KAT6B: variants seen among roughly 807,000 people sequenced by gnomAD.
KAT6B encodes the protein lysine acetyltransferase 6B.
KAT6B carries 10 observed loss-of-function variants against 187.5 expected under a neutral mutation model. That is an observed-to-expected ratio of 0.05 (90% confidence interval 0.03 to 0.09). KAT6B has a LOEUF of 0.09. KAT6B is among the 10% of genes least tolerant of loss of function. The pLI, the probability that KAT6B is intolerant of heterozygous loss-of-function variation, is 1.00. For missense variants in KAT6B, 1,952 were observed against 2,558.9 expected (o/e 0.76, Z 5.12); for synonymous variants, 861 against 926.8 (o/e 0.93, Z 1.29).
chr10:74,860,936 G>A (rs1039670701), intron 3 of KAT6B, among the ~76,000 whole-genome samples: 2 of 152,184 alleles, frequency 1.3e-5, no homozygotes, highest in Admixed American at 6.5e-5. Context: ...TCAGGAGTTC[G>A]AGACCAGCCT....
At chr10:74,993,671 C>A (rs532590906) in intron 13 of KAT6B, among the ~76,000 whole-genome samples, 29 of 152,236 alleles carry the variant, frequency 1.9e-4, no homozygotes, top group African/African-American at 6.3e-4. Context: ...GTCCCTGGGG[C>A]CTCCTTTAAT....
chr10:75,026,006 A>G (rs934336512), intron 17 of KAT6B: 1 of 152,154 alleles, frequency 6.6e-6, no homozygotes, highest in Non-Finnish European at 1.5e-5. Context: ...CAAAAGATAC[A>G]AAAATTAGTC....
intron 13 of KAT6B, chr10:75,003,239 AC>A (rs771176096): frequency 4.6e-5 from 7 of 152,342 alleles, no homozygotes; most frequent in Admixed American, 1.3e-4. Flanking sequence ...GGTTGAAGAG[AC>A]ACTTAAATCT....
At chr10:74,975,296 G>A in intron 7 of KAT6B, 103 bp from the exon 8 acceptor site, 1 of 932,402 alleles carries the variant, frequency 1.1e-6, no homozygotes, top group South Asian at 1.4e-5. Flanking sequence ...CAGTTCTTAA[G>A]TTTAAGCCCA....
Position 74,951,044 on chromosome 10 carries a change from A to G in KAT6B, c.622-8926A>G, listed in dbSNP as rs560981298. ...AATTAAATTTAAAAAGACTAAACCG[A>G]TACATAGTCTTGTTATAATTTTGTT... On this transcript the variant is annotated intron_variant, in intron 3 of 17. Transcript: ENST00000287239. Among the ~76,000 whole-genome samples, 26 of 152,144 alleles carry G rather than the reference A, an allele frequency of 1.7e-4. No homozygotes were observed. In the East Asian group the frequency reaches 4.0e-3, roughly 24 times the overall value.
intron 2 of KAT6B, 115 bp from the exon 3 acceptor site, chr10:74,842,485 C>T: frequency 2.1e-6 from 1 of 480,766 alleles, no homozygotes. Context: ...TAATACCTGC[C>T]TGTCATTACT....
intron 3 of KAT6B, among the ~76,000 whole-genome samples, chr10:74,916,415 A>T (rs943668366): frequency 1.3e-5 from 2 of 152,218 alleles, no homozygotes; most frequent in African/African-American, 2.4e-5. Flanking sequence ...ATTCTGTAGC[A>T]TAATACAGTG....
intron 3 of KAT6B, among the ~76,000 whole-genome samples, chr10:74,924,212 C>A (rs1338388158): frequency 1.3e-5 from 2 of 152,052 alleles, no homozygotes; most frequent in African/African-American, 4.8e-5. Context: ...TAAAATAGCC[C>A]TCACTCCCTG....
chr10:74,830,768 A>G (rs11001175), intron 1 of KAT6B, among the ~76,000 whole-genome samples: 2 of 17,108 alleles, frequency 1.2e-4, no homozygotes, highest in Admixed American at 1.1e-3. Flanking sequence ...ATATATATAT[A>G]TTTTTTTTTT....
chr10:74,846,533 G>T (rs1970524), intron 3 of KAT6B, among the ~76,000 whole-genome samples: 16,243 of 151,994 alleles, frequency 0.11, 1,223 homozygotes, highest in South Asian at 0.28. Flanking sequence ...CTGCCTCCCA[G>T]GTTCAAGTGA....
chr10:74,892,474 T>C (rs1039148525), intron 3 of KAT6B, among the ~76,000 whole-genome samples: 21 of 152,206 alleles, frequency 1.4e-4, no homozygotes, highest in Non-Finnish European at 4.4e-5. Context: ...ATAGGTGGAC[T>C]TAGCCTTTAC....
chr10:74,948,276 G>A (rs533092321), intron 3 of KAT6B, among the ~76,000 whole-genome samples: 2 of 152,328 alleles, frequency 1.3e-5, no homozygotes, highest in African/African-American at 4.8e-5. Context: ...AGCACTTGGA[G>A]TACCAATTAT....
At position 74,976,008 on chromosome 10, in the gene KAT6B, T is replaced by A; in HGVS notation, c.1671T>A (p.Ser557=). The A allele has an allele frequency of 6.2e-7, 1 of 1,614,038 alleles. No individual in the cohort carries two copies. The highest frequency in any genetic ancestry group is 1.1e-5 in the South Asian group (1 of 91,072). ...LSHIYTTQGQ[S]RKKGHPSYAP... is the part of the protein sequence containing the mutation. ...ATATCTATACCACTCAGGGACAGTC[T>A]CGCAAAAAGGGACACCCGAGTTATG... Residue 557 remains serine, a synonymous_variant, in exon 8 of 18, where the codon TCT becomes TCA. Transcript: ENST00000287239.
intron 3 of KAT6B, among the ~76,000 whole-genome samples, chr10:74,890,920 G>A (rs1447923748): frequency 2.6e-5 from 4 of 151,992 alleles, no homozygotes; most frequent in Admixed American, 2.6e-4. Flanking sequence ...TTATATTTGT[G>A]TTACAAACTT....
chr10:74,826,369 T>G (rs1279128280), upstream of KAT6B, among the ~76,000 whole-genome samples: 3 of 151,258 alleles, frequency 2.0e-5, no homozygotes, highest in Non-Finnish European at 4.4e-5. Flanking sequence ...CAGTGGACCC[T>G]CCCCCGGGGT....
intron 1 of KAT6B, among the ~76,000 whole-genome samples, chr10:74,829,950 G>A (rs1268283068): frequency 1.3e-5 from 2 of 150,924 alleles, no homozygotes; most frequent in Non-Finnish European, 3.0e-5. Flanking sequence ...CCTGGGAGGC[G>A]GAGGTTGCAG....
At chr10:74,948,878 C>A (rs559172059) in intron 3 of KAT6B, among the ~76,000 whole-genome samples, 6 of 152,254 alleles carry the variant, frequency 3.9e-5, no homozygotes, top group African/African-American at 1.2e-4. Context: ...GAATCTAGTG[C>A]CCAGGTTTTC....
intron 3 of KAT6B, among the ~76,000 whole-genome samples, chr10:74,953,600 G>T (rs1840468105): frequency 2.0e-5 from 3 of 152,100 alleles, no homozygotes; most frequent in Non-Finnish European, 4.4e-5. Context: ...TTACTAAAAT[G>T]GTATGTTTTT....
chr10:74,951,222 C>T (rs1026610008), intron 3 of KAT6B, among the ~76,000 whole-genome samples: 1 of 151,800 alleles, frequency 6.6e-6, no homozygotes, highest in Non-Finnish European at 1.5e-5. Flanking sequence ...CTCCCTCTCC[C>T]GGGTTCAAGT....
Sources: gnomAD v4.1 joint callset for allele counts (sites outside exome capture counted in the v4.1 genomes callset) on GRCh38, gnomAD v4.1.1 for gene constraint, MANE v1.5 for transcripts, NCBI Gene and HGNC (gene_info 2026-07-23, HGNC 2026-07-21) for gene names.